The following IFT43 variants were observed in gnomAD, a reference collection of about 807,000 sequenced individuals.
The protein encoded by IFT43 is intraflagellar transport 43.
A neutral mutation model predicts 32.3 loss-of-function variants in IFT43; 33 were observed. The observed-to-expected ratio is 1.02, with a 90% confidence interval of 0.77 to 1.37. The LOEUF (loss-of-function observed/expected upper bound fraction) is 1.37. Among genes scored for constraint, IFT43 ranks in the 40% most tolerant of loss-of-function variants. The pLI is 0.00. For synonymous variants in IFT43, 93 were observed against 98.2 expected (o/e 0.95, Z 0.31); for missense variants, 274 against 265.9 (o/e 1.03, Z -0.21).
At chr14:76,032,040 C>T (rs1156712484) in intron 3 of IFT43, among the ~76,000 whole-genome samples, 1 of 152,152 alleles carries the variant, frequency 6.6e-6, no homozygotes, top group Non-Finnish European at 1.5e-5. Flanking sequence ...CCAAATTAGT[C>T]TTCTAATTTC....
chr14:75,995,794 C>T (rs1250949644), intron 2 of IFT43, among the ~76,000 whole-genome samples: 2 of 152,150 alleles, frequency 1.3e-5, no homozygotes, highest in African/African-American at 2.4e-5. Flanking sequence ...CTTCTGATAA[C>T]GTTGCCAAAG....
At chr14:76,060,330 G>C (rs577923333) in intron 5 of IFT43, among the ~76,000 whole-genome samples, 23 of 152,014 alleles carry the variant, frequency 1.5e-4, no homozygotes, top group Non-Finnish European at 3.2e-4. Context: ...TGATTCTCCT[G>C]CCTCAGCCTC....
chr14:76,000,324 G>A (rs191413012), intron 2 of IFT43, among the ~76,000 whole-genome samples: 1 of 147,578 alleles, frequency 6.8e-6, no homozygotes, highest in East Asian at 2.0e-4. Flanking sequence ...GAGTGCAGTG[G>A]CACAATCTCG....
intron 5 of IFT43, among the ~76,000 whole-genome samples, chr14:76,073,154 GGAGTTGTA>G (rs1215930524): frequency 3.3e-5 from 5 of 152,214 alleles, no homozygotes; most frequent in African/African-American, 1.2e-4. Flanking sequence ...AAAGATAGGT[GGAGTTGTA>G]GAGTTGCTCC....
In IFT43 at chr14:76,040,801, G is replaced by T. The variant is rs150718305; in HGVS notation, c.216-17841G>T. On this transcript the variant is annotated intron_variant, in intron 3 of 8. Coordinates refer to ENST00000314067, the MANE Select transcript of IFT43 (RefSeq NM_001102564.3). ...GCAGTCCTCCTGACAAGTGACCCCA[G>T]TCAGTTCTCTCCCTGGAGCAGAGGG... is the stretch of plus-strand genomic sequence containing the variant. 8.3e-4 allele frequency among the ~76,000 whole-genome samples: 127 copies of T among 152,322 alleles called. No homozygotes were observed. In the East Asian group the frequency reaches 8.7e-3, roughly 10 times the overall value.
At chr14:76,036,844 T>C (rs936271608) in intron 3 of IFT43, among the ~76,000 whole-genome samples, 44 of 152,216 alleles carry the variant, frequency 2.9e-4, no homozygotes, top group African/African-American at 8.4e-4. Flanking sequence ...CCTTCTTTTT[T>C]AGAAACAGGA....
intron 3 of IFT43, among the ~76,000 whole-genome samples, chr14:76,042,168 G>C (rs1209102710): frequency 6.6e-6 from 1 of 151,568 alleles, no homozygotes; most frequent in Non-Finnish European, 1.5e-5. Flanking sequence ...GCTGGCCACT[G>C]TGCTAAACAC....
At chr14:76,066,496 A>G (rs1008498888) in intron 5 of IFT43, among the ~76,000 whole-genome samples, 14 of 152,274 alleles carry the variant, frequency 9.2e-5, no homozygotes, top group African/African-American at 3.4e-4. Context: ...TGCAGTAGGA[A>G]TCATATGTTA....
Position 75,988,888 on chromosome 14 carries a change from G to A in IFT43, c.58G>A (p.Ala20Thr), listed in dbSNP as rs2035583401. The part of the protein sequence containing the change: ...ELRYSLATSR[A>T]KMGRRAQQES... ...TGCCTTCTGTTTCTCCTTACAGAGGGCCAAGATGGGTCGCCGAGCTCAACA... is the reference window on the plus strand; with the variant it reads ...TGCCTTCTGTTTCTCCTTACAGAGGACCAAGATGGGTCGCCGAGCTCAACA... Residue 20 changes from alanine to threonine, a missense_variant, in exon 2 of 9, where the codon GCC becomes ACC. Ala to Thr is a moderately conservative substitution (Grantham distance 58). Transcript: ENST00000314067. 1 of 1,613,924 alleles carries A rather than the reference G, an allele frequency of 6.2e-7. No homozygotes were observed. The highest frequency in any genetic ancestry group is 1.3e-5 in the African/African-American group (1 of 75,044).
intron 3 of IFT43, among the ~76,000 whole-genome samples, chr14:76,029,653 G>A (rs2036469173): frequency 6.6e-6 from 1 of 152,000 alleles, no homozygotes; most frequent in South Asian, 2.1e-4. Flanking sequence ...GTGATAGGAA[G>A]GGGTCCAGTT....
At chr14:76,019,299 G>A (rs542320507) in intron 2 of IFT43, among the ~76,000 whole-genome samples, 10 of 151,670 alleles carry the variant, frequency 6.6e-5, no homozygotes, top group South Asian at 4.2e-4. Context: ...ATTCCCTCTG[G>A]TTTTGCTTAT....
At chr14:76,055,833 T>A (rs2037003453) in intron 3 of IFT43, among the ~76,000 whole-genome samples, 1 of 152,210 alleles carries the variant, frequency 6.6e-6, no homozygotes, top group African/African-American at 2.4e-5. Context: ...CTCCTCATAT[T>A]TGATAGCTGC....
chr14:76,060,973 C>T (rs1594855002), intron 5 of IFT43, among the ~76,000 whole-genome samples: 1 of 151,742 alleles, frequency 6.6e-6, no homozygotes, highest in East Asian at 1.9e-4. Flanking sequence ...TGATCTTGGG[C>T]CCACTGCAAC....
intron 2 of IFT43, among the ~76,000 whole-genome samples, chr14:76,006,031 C>G (rs1566703339): frequency 6.6e-6 from 1 of 151,526 alleles, no homozygotes; most frequent in Non-Finnish European, 1.5e-5. Flanking sequence ...CAGTTTGTGT[C>G]CATTTTCCCT....
At chr14:76,067,214 A>C (rs563539753) in intron 5 of IFT43, among the ~76,000 whole-genome samples, 6 of 152,310 alleles carry the variant, frequency 3.9e-5, no homozygotes, top group Admixed American at 3.3e-4. Context: ...CTAGGGATAG[A>C]AGACAAGCAC....
rs1255047983 is a variant in IFT43 at position 76,083,579 on chromosome 14, C to T, written c.*2C>T. On this transcript the variant is annotated 3_prime_UTR_variant, in exon 9 of 9. Coordinates refer to ENST00000314067, the MANE Select transcript of IFT43 (RefSeq NM_001102564.3). ...GCGGGGCAGGCCAGGCACACCTGAG[C>T]CCGTCACCCATGCTCTAGACATGAA... 6.2e-7 allele frequency: 1 copy of T among 1,613,826 alleles called. No individual in the cohort carries two copies.
chr14:76,083,508 G>T lies in IFT43; in HGVS notation c.558G>T (p.Glu186Asp). ...ATCTGTTCACTGAGGTGTCCTCAGA[G>T]GTCCTCACTGAGTGGGACCCACTGC... ...WDHLFTEVSS[E>D]VLTEWDPLQT... The change falls in exon 9 of 9, where the codon GAG becomes GAT. Residue 186 changes from glutamate (E) to aspartate (D), a missense_variant. Physicochemically the swap from Glu to Asp is conservative, Grantham distance 45. Coordinates refer to ENST00000314067, the MANE Select transcript of IFT43 (RefSeq NM_001102564.3). The T allele has an allele frequency of 6.2e-7, 1 of 1,614,162 alleles. No individual in the cohort carries two copies. The highest frequency in any genetic ancestry group is 1.1e-5 in the South Asian group (1 of 91,080).
intron 3 of IFT43, among the ~76,000 whole-genome samples, chr14:76,046,288 T>TGG (rs2036806017): frequency 6.6e-6 from 1 of 152,056 alleles, no homozygotes; most frequent in African/African-American, 2.4e-5. Context: ...GTGCGGAGGC[T>TGG]TTGTGAGCGG....
chr14:76,082,631 G>A lies in IFT43; in HGVS notation c.383G>A (p.Arg128Gln), dbSNP rs138684775. ...CTTTCCTTCAGCATCCAGATAAAGC[G>A]GGTGATGACCTACCGTGACCTGGAC... ...VAAPPSIQIK[R>Q]VMTYRDLDND... Residue 128 changes from arginine (R) to glutamine (Q), a missense_variant, in exon 7 of 9, where the codon CGG becomes CAG. Transcript: ENST00000314067. The A allele has an allele frequency of 3.1e-4, 500 of 1,614,148 alleles. 2 individuals are homozygous for A. The highest frequency in any genetic ancestry group is 4.9e-4 in the East Asian group (22 of 44,882).
Sources: gnomAD v4.1 joint callset for allele counts (sites outside exome capture counted in the v4.1 genomes callset) on GRCh38, gnomAD v4.1.1 for gene constraint, MANE v1.5 for transcripts, NCBI Gene and HGNC (gene_info 2026-07-23, HGNC 2026-07-21) for gene names.